The following KIR2DL1 variants were observed in gnomAD, a reference collection of about 807,000 sequenced individuals.
The protein encoded by KIR2DL1 is killer cell immunoglobulin-like receptor 2DL1.
Under a neutral mutation model 33.9 loss-of-function variants are expected in KIR2DL1, and 38 were observed. The ratio of observed to expected loss-of-function variants is 1.12; its 90% CI spans 0.86 to 1.47. The LOEUF (loss-of-function observed/expected upper bound fraction) is 1.47. Ranked by LOEUF, KIR2DL1 falls within the 40% of genes most tolerant of loss-of-function variation. The probability of loss-of-function intolerance (pLI) is 0.00; values close to 1 mark genes in which losing one functional copy is unlikely to be tolerated. For missense variants in KIR2DL1, 531 were observed against 433.9 expected (o/e 1.22, Z -1.99); for synonymous variants, 179 against 165.9 (o/e 1.08, Z -0.61).
At chr19:54,773,028 C>G (rs1396386091) in intron 2 of KIR2DL1, among the ~76,000 whole-genome samples, 2 of 148,404 alleles carry the variant, frequency 1.3e-5, no homozygotes, top group African/African-American at 2.5e-5. Context: ...TATCCTGGTT[C>G]CTCTTCCACC....
At chr19:54,779,848 T>C (rs1441085464) in intron 5 of KIR2DL1, among the ~76,000 whole-genome samples, 2 of 129,416 alleles carry the variant, frequency 1.5e-5, no homozygotes, top group South Asian at 2.7e-4. Context: ...CAAGTGGATC[T>C]ATAAATGAAT....
Position 54,778,675 on chromosome 19 carries a change from C to T in KIR2DL1, c.715+13C>T. ...AGCTCCAAAACCGGTGAGTACAGAA[C>T]CCTCTTATATCCGCTTTTGGAACCC... is the stretch of plus-strand genomic sequence containing the variant. On this transcript the variant is annotated intron_variant, in intron 5 of 7. Coordinates refer to ENST00000336077, the MANE Select transcript of KIR2DL1 (RefSeq NM_014218.3). The T allele has an allele frequency of 6.6e-7, 1 of 1,522,278 alleles. No homozygotes were observed. The highest frequency in any genetic ancestry group is 9.0e-7 in the Non-Finnish European group (1 of 1,110,000). The allele number at this position is 1,522,278 out of a possible 1,614,324, so 94.3% of individuals were successfully genotyped here.
In KIR2DL1 at chr19:54,771,301, C is replaced by T. The variant is rs1481618697; in HGVS notation, c.70+417C>T. On this transcript the variant is annotated intron_variant, in intron 2 of 7. Transcript: ENST00000336077. The stretch of plus-strand genomic sequence containing the variant: ...CAGTTGTTTATTTTCGTTCAGGCAT[C>T]GGCTGATATTCCATTCTCAAAGGAC... 1.5e-4 allele frequency among the ~76,000 whole-genome samples: 22 copies of T among 148,504 alleles called. 1 individual carries two copies. The highest frequency in any genetic ancestry group is 4.9e-4 in the African/African-American group (20 of 40,782).
rs758639210 is a variant in KIR2DL1 at position 54,775,313 on chromosome 19, A to T, written c.519A>T (p.Ala173=). The part of the protein sequence containing the change: ...EGEAHERRLP[A]GPKVNGTFQA... ...AGGCCCATGAACGTAGGCTCCCTGC[A>T]GGGCCCAAGGTCAACGGAACATTCC... The change falls in exon 4 of 8, where the codon GCA becomes GCT. Residue 173 remains alanine, a synonymous_variant. Coordinates refer to ENST00000336077, the MANE Select transcript of KIR2DL1 (RefSeq NM_014218.3). The T allele has an allele frequency of 1.3e-6, 2 of 1,584,324 alleles. No homozygotes were observed. The highest frequency in any genetic ancestry group is 4.5e-5 in the East Asian group (2 of 44,814).
intron 2 of KIR2DL1, among the ~76,000 whole-genome samples, chr19:54,772,174 AC>A (rs2075807375): frequency 2.0e-5 from 3 of 147,758 alleles, no homozygotes; most frequent in African/African-American, 7.4e-5. Flanking sequence ...AGATGGGGAG[AC>A]AGCCTGGACT....
Position 54,773,586 on chromosome 19 carries a change from C to A in KIR2DL1, c.324C>A (p.Pro108=). The A allele has an allele frequency of 6.3e-7, 1 of 1,580,458 alleles. No individual in the cohort carries two copies. The highest frequency in any genetic ancestry group is 8.7e-7 in the Non-Finnish European group (1 of 1,153,432). Residue 108 remains proline (P), a synonymous_variant, in exon 3 of 8, where the codon CCC becomes CCA. Coordinates refer to ENST00000336077, the MANE Select transcript of KIR2DL1 (RefSeq NM_014218.3). The stretch of plus-strand genomic sequence containing the variant: ...GCTACGGTTCTGTTACTCACTCCCC[C>A]TATCAGGTGTCAGCTCCCAGTGACC... ...YRCYGSVTHS[P]YQVSAPSDPL...
intron 2 of KIR2DL1, 146 bp from the exon 3 acceptor site, chr19:54,773,187 G>A (rs1257550385): frequency 1.0e-6 from 1 of 1,003,556 alleles, no homozygotes; most frequent in Non-Finnish European, 1.5e-6. Context: ...CCTGCACCAG[G>A]AGTTATGGGC....
Position 54,783,814 on chromosome 19 carries a change from G to T in KIR2DL1, c.*1G>T, listed in dbSNP as rs1161842731. The T allele has an allele frequency of 1.4e-5, 23 of 1,613,852 alleles. No individual in the cohort carries two copies. In the South Asian group the frequency reaches 2.3e-4, roughly 16 times the overall value. On this transcript the variant is annotated 3_prime_UTR_variant, in exon 8 of 8. Transcript: ENST00000336077. ...ATCCAAAGTTGTCTCCTGCCCATGA[G>T]CACCACAGTCAGGCCTTGAGGGCGT...
rs971604413 is a variant in KIR2DL1, at chr19:54,777,227, A to G, written c.665-1385A>G. On this transcript the variant is annotated intron_variant, in intron 4 of 7. Coordinates refer to ENST00000336077, the MANE Select transcript of KIR2DL1 (RefSeq NM_014218.3). ...TGCCTCAGCCTCCCGAGTAGCTGGA[A>G]TTACAGGCACACGCCACCACGCCCT... 4.3e-4 allele frequency among the ~76,000 whole-genome samples: 65 copies of G among 149,720 alleles called. 1 individual carries two copies. The highest frequency in any genetic ancestry group is 6.8e-3 in the Middle Eastern group (2 of 294).
At position 54,783,985 on chromosome 19, in the gene KIR2DL1, A is replaced by G; in HGVS notation, c.*172A>G. 6 of 1,052,300 alleles carry G rather than the reference A, an allele frequency of 5.7e-6. No individual in the cohort carries two copies. The highest frequency in any genetic ancestry group is 8.6e-6 in the Non-Finnish European group (6 of 694,658). 65.2% of individuals were successfully genotyped at this position (1,052,300 alleles called of 1,614,324 possible). On this transcript the variant is annotated 3_prime_UTR_variant, in exon 8 of 8. Coordinates refer to ENST00000336077, the MANE Select transcript of KIR2DL1 (RefSeq NM_014218.3). ...TGAATGTGCCTCTCTCTTGCTTACA[A>G]ATGTCTAAGGTCCCCACTGCCTGCT...
chr19:54,770,747 C>T (rs1310531503), intron 1 of KIR2DL1, 102 bp from the exon 2 acceptor site: 17 of 1,474,478 alleles, frequency 1.2e-5, no homozygotes, highest in South Asian at 3.4e-5. Context: ...TTACCTTCAG[C>T]CCAGGAAGGG....
In KIR2DL1 at chr19:54,773,658, A is replaced by C. The variant is rs1439755466; in HGVS notation, c.370+26A>C. ...GTGAGAGTGTCCAGACTTTCTTCTC[A>C]TTGTCATTGGGATGCAGAGTGAATG... is the stretch of plus-strand genomic sequence containing the variant. On this transcript the variant is annotated intron_variant, in intron 3 of 7. Transcript: ENST00000336077. The C allele has an allele frequency of 4.5e-6, 7 of 1,550,114 alleles. 1 individual carries two copies. In the East Asian group the frequency reaches 9.2e-5, roughly 20 times the overall value.
chr19:54,783,860 C>G lies in KIR2DL1; in HGVS notation c.*47C>G, dbSNP rs1232166356. On this transcript the variant is annotated 3_prime_UTR_variant, in exon 8 of 8. Coordinates refer to ENST00000336077, the MANE Select transcript of KIR2DL1 (RefSeq NM_014218.3). ...GGCGTCTTCTAGGGAGACAACAGCC[C>G]TGTCTCAAAACCGGGTTGCCAGCTC... 5 of 1,613,328 alleles carry G rather than the reference C, an allele frequency of 3.1e-6. No homozygotes were observed. Among genetic ancestry groups the G allele is most frequent in the Admixed American group, 1.7e-5 (1 of 59,982 alleles).
intron 6 of KIR2DL1, among the ~76,000 whole-genome samples, chr19:54,783,255 G>A (rs1409352290): frequency 2.6e-5 from 4 of 151,714 alleles, no homozygotes; most frequent in African/African-American, 4.8e-5. Context: ...TCACATCCAG[G>A]AGAAGGTTCC....
Position 54,772,358 on chromosome 19 carries a change from C to T in KIR2DL1, c.71-975C>T, listed in dbSNP as rs1220540874. ...CTGGAAAAGTCAAGGAACTGATTCT[C>T]CTGAGTCTCCAGAGGGAACGAAGCC... On this transcript the variant is annotated intron_variant, in intron 2 of 7. Coordinates refer to ENST00000336077, the MANE Select transcript of KIR2DL1 (RefSeq NM_014218.3). Among the ~76,000 whole-genome samples, 16 of 147,490 alleles carry T rather than the reference C, an allele frequency of 1.1e-4. 2 individuals carry two copies. Among genetic ancestry groups the T allele is most frequent in the African/African-American group, 4.0e-4 (16 of 40,324 alleles).
At chr19:54,770,496 G>A (rs2147397214) in intron 1 of KIR2DL1, among the ~76,000 whole-genome samples, 1 of 146,748 alleles carries the variant, frequency 6.8e-6, no homozygotes, top group African/African-American at 2.5e-5. Flanking sequence ...AGGAGATATG[G>A]ACCTGGAGTG....
intron 7 of KIR2DL1, 31 bp from the exon 8 acceptor site, chr19:54,783,606 C>T (rs1396578656): frequency 1.2e-6 from 2 of 1,613,944 alleles, no homozygotes; most frequent in East Asian, 2.2e-5. Context: ...ATGTGAGCAC[C>T]CTCCCTCACT....
At chr19:54,782,884 T>A in intron 5 of KIR2DL1, 38 bp from the exon 6 acceptor site, 1 of 1,595,672 alleles carries the variant, frequency 6.3e-7, no homozygotes, top group African/African-American at 1.3e-5. Context: ...GAGGAACTGC[T>A]AAGATTAGCT....
chr19:54,777,472 C>G (rs673133), intron 4 of KIR2DL1, among the ~76,000 whole-genome samples: 16,766 of 114,734 alleles, frequency 0.15, 56 homozygotes, highest in South Asian at 0.26. Flanking sequence ...ATACTGAGCA[C>G]TTTTTCGTAT....
Sources: allele counts gnomAD v4.1 joint callset (sites outside exome capture counted in the v4.1 genomes callset), GRCh38; gene constraint gnomAD v4.1.1; transcripts MANE v1.5; gene names NCBI Gene and HGNC (gene_info 2026-07-23, HGNC 2026-07-21).